The following CCT6B variants were observed in gnomAD, a reference collection of about 807,000 sequenced individuals.
The protein encoded by CCT6B is probable T-complex protein 1 subunit zeta-2.
A neutral mutation model predicts 61.5 loss-of-function variants in CCT6B; 49 were observed. That is an observed-to-expected ratio of 0.80 (90% CI 0.63 to 1.01). The LOEUF is 1.01. CCT6B is among the 50% of genes least tolerant of loss of function. The pLI is 0.00. For synonymous variants in CCT6B, 228 were observed against 214.5 expected (o/e 1.06, Z -0.55); for missense variants, 666 against 634.7 (o/e 1.05, Z -0.53).
intron 5 of CCT6B, among the ~76,000 whole-genome samples, chr17:34,945,733 T>C (rs1483468035): frequency 6.6e-6 from 1 of 152,150 alleles, no homozygotes; most frequent in Non-Finnish European, 1.5e-5. Context: ...TCCTCAGCAA[T>C]AGTAGGCTAA....
chr17:34,930,423 A>G (rs1250705914), intron 12 of CCT6B, among the ~76,000 whole-genome samples: 1 of 152,060 alleles, frequency 6.6e-6, no homozygotes, highest in Non-Finnish European at 1.5e-5. Flanking sequence ...GAAACATCAG[A>G]CACTGGCTTT....
chr17:34,957,421 G>T (rs2090361234), intron 3 of CCT6B, among the ~76,000 whole-genome samples: 1 of 152,126 alleles, frequency 6.6e-6, no homozygotes, highest in Non-Finnish European at 1.5e-5. Context: ...TGGGATTACA[G>T]GTGTGAGCCA....
intron 4 of CCT6B, among the ~76,000 whole-genome samples, chr17:34,954,149 T>A (rs1167594033): frequency 6.6e-6 from 1 of 152,116 alleles, no homozygotes; most frequent in South Asian, 2.1e-4. Flanking sequence ...AGTATACTAT[T>A]CAAGAGCTTC....
chr17:34,958,824 GT>G, intron 2 of CCT6B, 130 bp from the exon 3 acceptor site: 1 of 605,726 alleles, frequency 1.7e-6, no homozygotes, highest in Non-Finnish European at 2.5e-6. Context: ...AAGTTTACAA[GT>G]TTTGTATTAT....
At chr17:34,954,303 G>A (rs1182196927) in intron 4 of CCT6B, 123 bp downstream of exon 4, 5 of 675,372 alleles carry the variant, frequency 7.4e-6, no homozygotes, top group Non-Finnish European at 1.2e-5. Context: ...TACAATAATT[G>A]TCTGTCTTCC....
intron 2 of CCT6B, 152 bp downstream of exon 2, chr17:34,959,435 A>T: frequency 1.8e-6 from 1 of 554,994 alleles, no homozygotes. Context: ...CCGGCCAAAA[A>T]AATTTTTTTA....
Position 34,928,989 on chromosome 17 carries a change from C to A in CCT6B, c.1496G>T (p.Cys499Phe), listed in dbSNP as rs754246172. 7 of 1,607,504 alleles carry A rather than the reference C, an allele frequency of 4.4e-6. No individual in the cohort carries two copies. Among genetic ancestry groups the A allele is most frequent in the Non-Finnish European group, 6.0e-6 (7 of 1,175,142 alleles). The change falls in exon 13 of 14, where the codon TGT becomes TTT. Residue 499 changes from cysteine to phenylalanine, a missense_variant. Physicochemically the swap from Cys to Phe is radical, Grantham distance 205. Transcript: ENST00000314144. ...AGAGTGAAGAAGTTGTTTTTTTACA[C>A]AATAATTATCCCAAACTCCTGCATC... is the stretch of plus-strand genomic sequence containing the variant. ...AADAGVWDNYCVKKQLLHSCT... is the reference protein window; with the variant it reads ...AADAGVWDNYFVKKQLLHSCT...
chr17:34,928,901 C>A (rs2090000192), intron 13 of CCT6B, 61 bp downstream of exon 13: 1 of 969,830 alleles, frequency 1.0e-6, no homozygotes, highest in South Asian at 1.5e-5. Context: ...GAAAAAATTT[C>A]ATCTTAATAT....
chr17:34,944,126 C>T (rs912707081), intron 5 of CCT6B: 1 of 152,120 alleles, frequency 6.6e-6, no homozygotes, highest in African/African-American at 2.4e-5. Context: ...TATCTAGAAA[C>T]AATAACACTA....
intron 10 of CCT6B, among the ~76,000 whole-genome samples, chr17:34,935,877 A>G (rs1307638430): frequency 1.3e-5 from 2 of 151,210 alleles, no homozygotes; most frequent in African/African-American, 4.8e-5. Context: ...AAAAAAAATC[A>G]TATGATCATC....
At chr17:34,946,423 A>G (rs946164011) in intron 5 of CCT6B, among the ~76,000 whole-genome samples, 1 of 152,208 alleles carries the variant, frequency 6.6e-6, no homozygotes, top group African/African-American at 2.4e-5. Context: ...GAAAGAAAAA[A>G]GGGCAAGTTT....
chr17:34,952,357 G>T (rs562573822), intron 4 of CCT6B, among the ~76,000 whole-genome samples: 3 of 152,238 alleles, frequency 2.0e-5, no homozygotes, highest in South Asian at 4.1e-4. Context: ...TAACAGGGCC[G>T]GGACTAGAAT....
Position 34,954,533 on chromosome 17 carries a change from C to T in CCT6B, c.403G>A (p.Glu135Lys). The change falls in exon 4 of 14, where the codon GAG becomes AAG. Residue 135 changes from glutamate to lysine, a missense_variant. Coordinates refer to ENST00000314144, the MANE Select transcript of CCT6B (RefSeq NM_006584.4). The part of the protein sequence containing the change: ...AAKIKALEVL[E>K]EVKVTKEMKR... ...ATCTCCTTTGTCACTTTAACTTCCT[C>T]CAAAACTTCAAGTGCTTTTATCTTT... The T allele has an allele frequency of 6.2e-7, 1 of 1,613,738 alleles. No individual in the cohort carries two copies. The highest frequency in any genetic ancestry group is 1.3e-5 in the African/African-American group (1 of 75,030).
At position 34,930,775 on chromosome 17, in the gene CCT6B, C is replaced by T. The variant is rs146538116; in HGVS notation, c.1450+174G>A. On this transcript the variant is annotated intron_variant, in intron 12 of 13. Transcript: ENST00000314144. ...GTGAAGCCCAAGAGGAAAACAAGCA[C>T]TCAATAACTATTTCTTAAATGAATG... 3.3e-5 allele frequency among the ~76,000 whole-genome samples: 5 copies of T among 152,226 alleles called. No individual in the cohort carries two copies. The East Asian group carries it at 9.6e-4, about 29-fold the overall frequency.
chr17:34,928,817 C>A, intron 13 of CCT6B, 145 bp downstream of exon 13: 1 of 515,240 alleles, frequency 1.9e-6, no homozygotes. Flanking sequence ...ATGACAGAAG[C>A]TAGTTCTAAT....
At chr17:34,932,079 T>C (rs973551063) in intron 11 of CCT6B, among the ~76,000 whole-genome samples, 8 of 152,214 alleles carry the variant, frequency 5.3e-5, no homozygotes, top group African/African-American at 1.9e-4. Flanking sequence ...TTATGATTAG[T>C]TAATCATGAG....
At chr17:34,953,069 G>A (rs780133686) in intron 4 of CCT6B, among the ~76,000 whole-genome samples, 5 of 151,748 alleles carry the variant, frequency 3.3e-5, no homozygotes, top group African/African-American at 7.3e-5. Context: ...AAGGAGAATC[G>A]ATCAGAAACA....
intron 5 of CCT6B, chr17:34,943,471 A>G (rs2090189396): frequency 6.6e-6 from 1 of 152,266 alleles, no homozygotes. Context: ...TTTGATGGTT[A>G]TAAAAAGTAT....
intron 4 of CCT6B, among the ~76,000 whole-genome samples, chr17:34,953,756 C>G (rs2090318089): frequency 6.6e-6 from 1 of 152,038 alleles, no homozygotes; most frequent in Non-Finnish European, 1.5e-5. Context: ...GAGTTCAAGA[C>G]AAGCTTTGGT....
Sources: allele counts gnomAD v4.1 joint callset (sites outside exome capture counted in the v4.1 genomes callset), GRCh38; gene constraint gnomAD v4.1.1; transcripts MANE v1.5; gene names NCBI Gene and HGNC (gene_info 2026-07-23, HGNC 2026-07-21).